HTR3B: variants seen among roughly 807,000 people sequenced by gnomAD.
The protein encoded by HTR3B is 5-hydroxytryptamine receptor 3B, also known as 5-hydroxytryptamine (serotonin) receptor 3B, ionotropic.
Under a neutral mutation model 42.8 loss-of-function variants are expected in HTR3B, and 44 were observed. The observed-to-expected ratio is 1.03, with a 90% CI of 0.81 to 1.32. The LOEUF (loss-of-function observed/expected upper bound fraction) is 1.32. Among genes scored for constraint, HTR3B ranks in the 40% most tolerant of loss-of-function variants. The probability of loss-of-function intolerance (pLI) is 0.00; values close to 1 mark genes in which losing one functional copy is unlikely to be tolerated. For missense variants in HTR3B, 527 were observed against 536.5 expected, an observed-to-expected ratio of 0.98 and a Z score of 0.17; for synonymous variants, 203 against 209.0, an observed-to-expected ratio of 0.97 and a Z score of 0.25.
At chr11:113,928,817 G>T (rs989461509) in intron 2 of HTR3B, among the ~76,000 whole-genome samples, 8 of 152,284 alleles carry the variant, frequency 5.3e-5, no homozygotes, top group South Asian at 2.1e-4. Flanking sequence ...GATTACAGGC[G>T]TGAGCCACCG....
intron 2 of HTR3B, among the ~76,000 whole-genome samples, chr11:113,917,321 C>T (rs1302005316): frequency 1.3e-5 from 2 of 151,894 alleles, no homozygotes; most frequent in East Asian, 3.9e-4. Flanking sequence ...TTATTAGAGA[C>T]GGGGTTTCAC....
chr11:113,917,086 A>G (rs541210863), intron 2 of HTR3B, among the ~76,000 whole-genome samples: 183 of 151,804 alleles, frequency 1.2e-3, no homozygotes, highest in African/African-American at 4.2e-3. Context: ...ATACTGCTCT[A>G]TAAATATTAA....
intron 3 of HTR3B, 28 bp downstream of exon 3, chr11:113,931,456 T>C (rs775383199): frequency 1.1e-4 from 149 of 1,378,512 alleles, no homozygotes; most frequent in African/African-American, 5.7e-5. Context: ...CTTCTAAATA[T>C]ATTGCACTCC....
chr11:113,911,048 G>A (rs1021744978), intron 2 of HTR3B, among the ~76,000 whole-genome samples: 32 of 144,440 alleles, frequency 2.2e-4, no homozygotes, highest in Middle Eastern at 4.2e-3. Flanking sequence ...GGATGGTCTC[G>A]ATCTCCTGAC....
At chr11:113,935,206 C>T (rs1022657322) in intron 6 of HTR3B, among the ~76,000 whole-genome samples, 12 of 151,412 alleles carry the variant, frequency 7.9e-5, no homozygotes, top group African/African-American at 2.9e-4. Context: ...AGAAGATTGT[C>T]TAATGGAGGG....
At chr11:113,931,607 T>C (rs1950035340) in intron 3 of HTR3B, 151 bp from the exon 4 acceptor site, 1 of 662,804 alleles carries the variant, frequency 1.5e-6, no homozygotes, top group African/African-American at 1.8e-5. Context: ...GGGACTACCA[T>C]CTTTAGGATT....
At chr11:113,905,622 C>A (rs1460861147) in intron 1 of HTR3B, among the ~76,000 whole-genome samples, 1 of 152,042 alleles carries the variant, frequency 6.6e-6, no homozygotes, top group Non-Finnish European at 1.5e-5. Context: ...TTCCATGGCA[C>A]CAGTATTAAC....
At chr11:113,920,496 C>T (rs1417712324) in intron 2 of HTR3B, among the ~76,000 whole-genome samples, 3 of 152,130 alleles carry the variant, frequency 2.0e-5, no homozygotes, top group Admixed American at 6.6e-5. Flanking sequence ...CTGCCTCAGC[C>T]TCCTAAGTAG....
intron 2 of HTR3B, among the ~76,000 whole-genome samples, chr11:113,920,889 TG>T (rs1949905374): frequency 6.6e-6 from 1 of 151,916 alleles, no homozygotes; most frequent in Non-Finnish European, 1.5e-5. Flanking sequence ...CTCGGCTCAC[TG>T]CAACCTCTGC....
chr11:113,921,104 C>T (rs117517757), intron 2 of HTR3B, among the ~76,000 whole-genome samples: 2 of 151,716 alleles, frequency 1.3e-5, no homozygotes, highest in African/African-American at 4.8e-5. Flanking sequence ...TAAGCCATCC[C>T]GTCCAGCCCA....
the HTR3B span, among the ~76,000 whole-genome samples, chr11:113,899,384 T>C: frequency 6.6e-6 from 1 of 152,212 alleles, no homozygotes; most frequent in East Asian, 1.9e-4. Context: ...ACTCTACTCA[T>C]TAAATGTTTG....
At chr11:113,903,692 T>A (rs192148916), upstream of HTR3B, among the ~76,000 whole-genome samples, 19 of 152,236 alleles carry the variant, frequency 1.2e-4, no homozygotes, top group African/African-American at 4.6e-4. Context: ...CCTCCCAAAG[T>A]GCTGGGATTA....
chr11:113,904,102 G>A (rs1420247801), upstream of HTR3B, among the ~76,000 whole-genome samples: 1 of 152,098 alleles, frequency 6.6e-6, no homozygotes, highest in African/African-American at 2.4e-5. Context: ...ATCTGGGGGT[G>A]TCTAGAAATG....
intron 2 of HTR3B, among the ~76,000 whole-genome samples, chr11:113,912,110 G>A (rs1009371194): frequency 2.0e-5 from 3 of 152,148 alleles, no homozygotes; most frequent in African/African-American, 7.2e-5. Context: ...TTCAGTTATG[G>A]CTATATCATG....
intron 2 of HTR3B, among the ~76,000 whole-genome samples, chr11:113,924,287 G>A (rs1056709198): frequency 6.6e-6 from 1 of 152,014 alleles, no homozygotes; most frequent in Admixed American, 6.6e-5. Context: ...TAGTGGGTGA[G>A]ACATAATCTA....
chr11:113,940,805 C>G (rs1950129027), intron 6 of HTR3B, among the ~76,000 whole-genome samples: 1 of 152,224 alleles, frequency 6.6e-6, no homozygotes, highest in Non-Finnish European at 1.5e-5. Flanking sequence ...CATCACTGGC[C>G]TTTGCACTTC....
chr11:113,944,621 A>G lies in HTR3B; in HGVS notation c.956A>G (p.Lys319Arg), dbSNP rs765860540. Residue 319 changes from lysine to arginine, a missense_variant, in exon 8 of 9, where the codon AAG becomes AGG. Transcript: ENST00000260191. ...GCCTTCTTGGTTCTCAGCTTAGCTA[A>G]GTCCATCGTGTTGGTCAAATTCCTC... is the stretch of plus-strand genomic sequence containing the variant. Reference protein sequence around the residue: ...CMAFLVLSLAKSIVLVKFLHD... With the variant: ...CMAFLVLSLARSIVLVKFLHD... 3 of 1,614,224 alleles carry G rather than the reference A, an allele frequency of 1.9e-6. No individual in the cohort carries two copies. The highest frequency in any genetic ancestry group is 2.5e-6 in the Non-Finnish European group (3 of 1,180,032).
chr11:113,904,652 T>A (rs1949720958), upstream of HTR3B: 3 of 379,016 alleles, frequency 7.9e-6, no homozygotes, highest in African/African-American at 2.1e-5. Flanking sequence ...AGCTATCTCC[T>A]GTCAGGAAAA....
chr11:113,944,398 G>C (rs1950160387), intron 7 of HTR3B, among the ~76,000 whole-genome samples, 175 bp from the exon 8 acceptor site: 1 of 152,116 alleles, frequency 6.6e-6, no homozygotes, highest in South Asian at 2.1e-4. Flanking sequence ...CTATTCAGGA[G>C]GGTGAGGAGG....
Sources: gnomAD v4.1 joint callset for allele counts (sites outside exome capture counted in the v4.1 genomes callset) on GRCh38, gnomAD v4.1.1 for gene constraint, MANE v1.5 for transcripts, NCBI Gene and HGNC (gene_info 2026-07-23, HGNC 2026-07-21) for gene names.